AGMO: variants seen among roughly 807,000 people sequenced by gnomAD.
AGMO encodes the protein glyceryl-ether monooxygenase.
Under a neutral mutation model 60.2 loss-of-function variants are expected in AGMO, and 75 were observed. That is an observed-to-expected ratio of 1.25 (90% CI 1.03 to 1.51). The LOEUF (loss-of-function observed/expected upper bound fraction) is 1.51. Among genes scored for constraint, AGMO ranks in the 40% most tolerant of loss-of-function variants. AGMO has a pLI of 0.00. For synonymous variants in AGMO, 261 were observed against 177.1 expected, an observed-to-expected ratio of 1.47 and a Z score of -3.76; for missense variants, 763 against 525.5, an observed-to-expected ratio of 1.45 and a Z score of -4.42.
At chr7:15,526,833 G>C (rs1300223569) in intron 3 of AGMO, among the ~76,000 whole-genome samples, 1 of 152,102 alleles carries the variant, frequency 6.6e-6, no homozygotes, top group East Asian at 1.9e-4. Context: ...TTGTGTCTCT[G>C]TATCACACAC....
chr7:15,179,890 A>C, the AGMO span, among the ~76,000 whole-genome samples: 1 of 152,284 alleles, frequency 6.6e-6, no homozygotes, highest in African/African-American at 2.4e-5. Context: ...GCCACACTCA[A>C]GTTCACTTCA....
intron 12 of AGMO, among the ~76,000 whole-genome samples, chr7:15,214,963 A>T (rs2128494925): frequency 6.6e-6 from 1 of 152,232 alleles, no homozygotes; most frequent in South Asian, 2.1e-4. Context: ...CTTTGACAGC[A>T]GTGATCCTAT....
At chr7:15,404,328 G>A (rs919542085) in intron 5 of AGMO, among the ~76,000 whole-genome samples, 7 of 152,002 alleles carry the variant, frequency 4.6e-5, no homozygotes, top group African/African-American at 7.2e-5. Context: ...AAAGACAAGA[G>A]CAGGACAAGT....
chr7:15,549,323 C>T (rs1413880566), intron 2 of AGMO, among the ~76,000 whole-genome samples: 1 of 150,848 alleles, frequency 6.6e-6, no homozygotes, highest in African/African-American at 2.5e-5. Flanking sequence ...ACAATATTAA[C>T]TTTAAATGTA....
intron 3 of AGMO, among the ~76,000 whole-genome samples, chr7:15,508,333 C>T (rs74349346): frequency 0.015 from 2,305 of 152,222 alleles, 60 homozygotes; most frequent in African/African-American, 0.052. Flanking sequence ...CAATAACTTA[C>T]ATTCAGCTGC....
At chr7:15,511,094 G>A (rs1363465130) in intron 3 of AGMO, among the ~76,000 whole-genome samples, 5 of 152,028 alleles carry the variant, frequency 3.3e-5, no homozygotes, top group South Asian at 2.1e-4. Context: ...AAGTAAGATC[G>A]TGTTCACCCA....
chr7:15,304,574 T>C (rs935977999), intron 12 of AGMO, among the ~76,000 whole-genome samples: 2 of 152,106 alleles, frequency 1.3e-5, no homozygotes, highest in African/African-American at 4.8e-5. Context: ...TGTCAAGTTA[T>C]TTGTAATAAA....
chr7:15,394,659 G>A (rs952596439), intron 5 of AGMO, among the ~76,000 whole-genome samples: 5 of 152,144 alleles, frequency 3.3e-5, no homozygotes, highest in Non-Finnish European at 7.4e-5. Flanking sequence ...ATTTACGGGA[G>A]CAGGGTATAA....
chr7:15,498,393 T>A (rs1783292503), intron 3 of AGMO, among the ~76,000 whole-genome samples: 1 of 152,016 alleles, frequency 6.6e-6, no homozygotes, highest in Admixed American at 6.6e-5. Context: ...TTATTGGAGA[T>A]ATTACTCTGC....
chr7:15,173,997 C>G, the AGMO span, among the ~76,000 whole-genome samples: 1 of 151,810 alleles, frequency 6.6e-6, no homozygotes, highest in African/African-American at 2.4e-5. Flanking sequence ...AAGAATATGA[C>G]CCCATTTTAT....
intron 12 of AGMO, among the ~76,000 whole-genome samples, chr7:15,206,064 T>A (rs1583290966): frequency 6.6e-6 from 1 of 152,096 alleles, no homozygotes; most frequent in East Asian, 1.9e-4. Context: ...TTTTTTGAGA[T>A]GACCATTGTC....
intron 3 of AGMO, among the ~76,000 whole-genome samples, chr7:15,460,293 T>G (rs1782112505): frequency 6.6e-6 from 1 of 152,038 alleles, no homozygotes; most frequent in Non-Finnish European, 1.5e-5. Context: ...TTCGCCATGT[T>G]GGCCAGGCTG....
chr7:15,166,783 A>G, the AGMO span, among the ~76,000 whole-genome samples: 27 of 152,308 alleles, frequency 1.8e-4, 1 homozygote, highest in East Asian at 4.8e-3. Context: ...TGGGGAGTAC[A>G]TGAAGTAGAG....
At chr7:15,255,245 G>A (rs1175238951) in intron 12 of AGMO, among the ~76,000 whole-genome samples, 1 of 152,044 alleles carries the variant, frequency 6.6e-6, no homozygotes, top group Middle Eastern at 3.2e-3. Context: ...ATAACATTAG[G>A]AGAAATACCT....
chr7:15,185,725 G>A, the AGMO span, among the ~76,000 whole-genome samples: 1 of 152,194 alleles, frequency 6.6e-6, no homozygotes, highest in African/African-American at 2.4e-5. Context: ...CTGAGGCACT[G>A]AACCACAGGT....
intron 4 of AGMO, among the ~76,000 whole-genome samples, chr7:15,430,512 G>C (rs560627549): frequency 6.6e-6 from 1 of 150,384 alleles, no homozygotes; most frequent in Non-Finnish European, 1.5e-5. Flanking sequence ...GAATATTTTA[G>C]AGCCAAAAAT....
At chr7:15,330,217 A>T (rs1286705231) in intron 12 of AGMO, among the ~76,000 whole-genome samples, 1 of 152,180 alleles carries the variant, frequency 6.6e-6, no homozygotes, top group Non-Finnish European at 1.5e-5. Context: ...CCATCTGCCA[A>T]CCTACTAGTA....
chr7:15,365,944 T>G (rs1267768353), intron 11 of AGMO, among the ~76,000 whole-genome samples, 196 bp downstream of exon 11: 1 of 152,086 alleles, frequency 6.6e-6, no homozygotes, highest in Non-Finnish European at 1.5e-5. Context: ...GTCTTCATAC[T>G]TCATTCATTT....
At chr7:15,152,174 T>C in the AGMO span, among the ~76,000 whole-genome samples, 1 of 152,150 alleles carries the variant, frequency 6.6e-6, no homozygotes, top group Non-Finnish European at 1.5e-5. Flanking sequence ...TCATGGTTGG[T>C]TTAAAGTCTG....
Sources: allele counts gnomAD v4.1 joint callset (sites outside exome capture counted in the v4.1 genomes callset), GRCh38; gene constraint gnomAD v4.1.1; transcripts MANE v1.5; gene names NCBI Gene and HGNC (gene_info 2026-07-23, HGNC 2026-07-21).